PCDHGA11: variants seen among roughly 807,000 people sequenced by gnomAD.
The protein encoded by PCDHGA11 is protocadherin gamma-A11.
Under a neutral mutation model 60.4 loss-of-function variants are expected in PCDHGA11, and 39 were observed. That is an observed-to-expected ratio of 0.65 (90% CI 0.50 to 0.84). The LOEUF is 0.84. PCDHGA11 is among the 40% of genes least tolerant of loss of function. PCDHGA11 has a pLI of 0.00. For synonymous variants in PCDHGA11, 533 were observed against 510.3 expected, an observed-to-expected ratio of 1.04 and a Z score of -0.60; for missense variants, 1,165 against 1,197.7, an observed-to-expected ratio of 0.97 and a Z score of 0.40.
Position 141,431,386 on chromosome 5 carries a change from C to A in PCDHGA11, c.2433+7726C>A. The stretch of plus-strand genomic sequence containing the variant: ...ACCGCGAAGAAAAGGCTGCTCACCA[C>A]CTGGTCCTTACGGCCTCCGACGGGG... On this transcript the variant is annotated intron_variant, in intron 1 of 3. Coordinates refer to ENST00000398587, the MANE Select transcript of PCDHGA11 (RefSeq NM_018914.3). The surrounding 1 kb of genome is among the most constrained non-coding windows in gnomAD (Gnocchi z 4.8). The A allele has an allele frequency of 6.2e-7, 1 of 1,613,924 alleles. No individual in the cohort carries two copies. Among genetic ancestry groups the A allele is most frequent in the Non-Finnish European group, 8.5e-7 (1 of 1,180,038 alleles).
Position 141,422,576 on chromosome 5 carries a change from CTCCCGTTTT to C in PCDHGA11, c.1353_1361del (p.Val452_Pro454del). 6.2e-7 allele frequency: 1 copy of C among 1,614,034 alleles called. No homozygotes were observed. The highest frequency in any genetic ancestry group is 1.3e-5 in the African/African-American group (1 of 75,026). On this transcript the variant is annotated inframe_deletion, in exon 1 of 4. Coordinates refer to ENST00000398587, the MANE Select transcript of PCDHGA11 (RefSeq NM_018914.3). ...AATGTGGCAGATGACAACGATAACC[CTCCCGTTTT>C]TCCTCACTCCTCTTACTCTGCCTAC...
Position 141,511,375 on chromosome 5 carries a change from A to G in PCDHGA11, c.*202A>G. 2 of 1,236,730 alleles carry G rather than the reference A, an allele frequency of 1.6e-6. No individual in the cohort carries two copies. The highest frequency in any genetic ancestry group is 2.2e-6 in the Non-Finnish European group (2 of 912,840). 76.6% of individuals were successfully genotyped at this position (1,236,730 alleles called of 1,614,324 possible). A position where few individuals can be genotyped will look rare whatever the true frequency, so the allele number is the denominator to read the frequency against. On this transcript the variant is annotated 3_prime_UTR_variant, in exon 4 of 4. Coordinates refer to ENST00000398587, the MANE Select transcript of PCDHGA11 (RefSeq NM_018914.3). ...CCCAGGGGGTTGAATATGCAAAAGCAGTTCCGCTGGGAACCCCCATCCAAT... is the reference window on the plus strand; with the variant it reads ...CCCAGGGGGTTGAATATGCAAAAGCGGTTCCGCTGGGAACCCCCATCCAAT...
chr5:141,485,961 A>G lies in PCDHGA11; in HGVS notation c.2434-8846A>G. Reference sequence around the variant, plus strand: ...GCACCAGCGGGCATGGTGCTCATCCAGCTCAATGCCTCAGACCCGGACCTG... The same window carrying G: ...GCACCAGCGGGCATGGTGCTCATCCGGCTCAATGCCTCAGACCCGGACCTG... On this transcript the variant is annotated intron_variant, in intron 1 of 3. Coordinates refer to ENST00000398587, the MANE Select transcript of PCDHGA11 (RefSeq NM_018914.3). This position sits in a 1 kb window ranked among gnomAD's most constrained non-coding sequence, Gnocchi z 5.7. 1 of 1,614,204 alleles carries G rather than the reference A, an allele frequency of 6.2e-7. No individual in the cohort carries two copies. Among genetic ancestry groups the G allele is most frequent in the Non-Finnish European group, 8.5e-7 (1 of 1,180,028 alleles).
chr5:141,476,744 C>A lies in PCDHGA11; in HGVS notation c.2434-18063C>A, dbSNP rs1168392300. ...CCTGGACCGAGAACGGGAGCCTAGT[C>A]TCCAGTTAGTGCTGACGGCGTTGGA... On this transcript the variant is annotated intron_variant, in intron 1 of 3. Coordinates refer to ENST00000398587, the MANE Select transcript of PCDHGA11 (RefSeq NM_018914.3). The surrounding 1 kb of genome is among the most constrained non-coding windows in gnomAD (Gnocchi z 7.6). 1.2e-6 allele frequency: 2 copies of A among 1,614,046 alleles called. No individual in the cohort carries two copies. Among genetic ancestry groups the A allele is most frequent in the Admixed American group, 3.3e-5 (2 of 60,034 alleles).
In PCDHGA11 at chr5:141,490,729, C is replaced by G. The variant is rs1365931429; in HGVS notation, c.2434-4078C>G. ...CCTCACCTACTCCATTGTAGGAAAT[C>G]AGGTTCAGGGAGCCCCAGCCTCCTC... On this transcript the variant is annotated intron_variant, in intron 1 of 3. Coordinates refer to ENST00000398587, the MANE Select transcript of PCDHGA11 (RefSeq NM_018914.3). The surrounding 1 kb of genome is among the most constrained non-coding windows in gnomAD (Gnocchi z 5.4). 1 of 1,614,184 alleles carries G rather than the reference C, an allele frequency of 6.2e-7. No homozygotes were observed.
chr5:141,449,688 T>G (rs951233495), intron 1 of PCDHGA11, among the ~76,000 whole-genome samples: 2 of 151,772 alleles, frequency 1.3e-5, no homozygotes, highest in African/African-American at 4.8e-5. Context: ...TATGTTTGTG[T>G]GTATGTACAC....
Position 141,432,123 on chromosome 5 carries a change from C to G in PCDHGA11, c.2433+8463C>G, listed in dbSNP as rs1224794803. On this transcript the variant is annotated intron_variant, in intron 1 of 3. Transcript: ENST00000398587. This position sits in a 1 kb window ranked among gnomAD's most constrained non-coding sequence, Gnocchi z 6.0. ...GACAACCCGCCGGTCTTCCCTCAGG[C>G]CTCCTATTCCGCTTATATCCCAGAG... 1 of 1,614,172 alleles carries G rather than the reference C, an allele frequency of 6.2e-7. No homozygotes were observed. Among genetic ancestry groups the G allele is most frequent in the Admixed American group, 1.7e-5 (1 of 60,022 alleles).
rs779871354 is a variant in PCDHGA11 at position 141,428,131 on chromosome 5, G to A, written c.2433+4471G>A. 8.7e-6 allele frequency: 14 copies of A among 1,602,720 alleles called. No homozygotes were observed. The South Asian group carries it at 1.5e-4, about 18-fold the overall frequency. On this transcript the variant is annotated intron_variant, in intron 1 of 3. Transcript: ENST00000398587. ...CAGGCCATCGAGCCCGGGCTTTTCA[G>A]CCTGGGGCTGCACACGGGAACCTGC...
At position 141,421,727 on chromosome 5, in the gene PCDHGA11, C is replaced by T. The variant is rs779718690; in HGVS notation, c.500C>T (p.Ser167Phe). The T allele has an allele frequency of 4.3e-6, 7 of 1,613,798 alleles. No individual in the cohort carries two copies. In the African/African-American group the frequency reaches 9.3e-5, roughly 22 times the overall value. ...NARDPDVGVN[S>F]LQSYQLSPNN... ...AGGGATCCAGATGTGGGCGTGAACT[C>T]CCTCCAGAGCTACCAGCTCAGCCCT... The change falls in exon 1 of 4, where the codon TCC (serine) becomes TTC (phenylalanine). Residue 167 changes from serine to phenylalanine, a missense_variant. Physicochemically the swap from Ser to Phe is radical, Grantham distance 155. Coordinates refer to ENST00000398587, the MANE Select transcript of PCDHGA11 (RefSeq NM_018914.3).
chr5:141,510,451 G>A (rs1330148267), intron 3 of PCDHGA11, among the ~76,000 whole-genome samples: 2 of 152,096 alleles, frequency 1.3e-5, no homozygotes, highest in East Asian at 1.9e-4. Context: ...AGGAGCCCAT[G>A]GTCTAGTGTG....
At chr5:141,437,040 C>G (rs188070264) in intron 1 of PCDHGA11, among the ~76,000 whole-genome samples, 1 of 152,266 alleles carries the variant, frequency 6.6e-6, no homozygotes, top group African/African-American at 2.4e-5. Flanking sequence ...ATCACCGAAA[C>G]CAGAAGGCTG....
intron 2 of PCDHGA11, among the ~76,000 whole-genome samples, chr5:141,500,359 C>T (rs2099799599): frequency 6.6e-6 from 1 of 152,032 alleles, no homozygotes; most frequent in Non-Finnish European, 1.5e-5. Flanking sequence ...CAGGCGCCCA[C>T]TACCACGCCC....
intron 2 of PCDHGA11, among the ~76,000 whole-genome samples, chr5:141,501,009 C>T (rs2099804715): frequency 2.0e-5 from 3 of 152,040 alleles, no homozygotes; most frequent in Non-Finnish European, 4.4e-5. Context: ...GCTGGGACTA[C>T]AGGCACGCGC....
chr5:141,498,865 G>A (rs2099786522), intron 2 of PCDHGA11, among the ~76,000 whole-genome samples: 1 of 151,116 alleles, frequency 6.6e-6, no homozygotes, highest in Non-Finnish European at 1.5e-5. Flanking sequence ...CCCAGGAGGC[G>A]GAGGTTGCAG....
In PCDHGA11 at chr5:141,477,453, A is replaced by T; in HGVS notation, c.2434-17354A>T. On this transcript the variant is annotated intron_variant, in intron 1 of 3. Transcript: ENST00000398587. This position sits in a 1 kb window ranked among gnomAD's most constrained non-coding sequence, Gnocchi z 4.9. Reference sequence around the variant, plus strand: ...TCAGCCCTTACAATAGTGCGTGTTCAAGTGTCCGACATCAATGACAACCCT... The same window carrying T: ...TCAGCCCTTACAATAGTGCGTGTTCTAGTGTCCGACATCAATGACAACCCT... The T allele has an allele frequency of 6.2e-7, 1 of 1,614,136 alleles. No homozygotes were observed. The highest frequency in any genetic ancestry group is 8.5e-7 in the Non-Finnish European group (1 of 1,180,026).
At chr5:141,465,644 A>G (rs1320011410) in intron 1 of PCDHGA11, among the ~76,000 whole-genome samples, 2 of 152,186 alleles carry the variant, frequency 1.3e-5, no homozygotes, top group African/African-American at 4.8e-5. Context: ...TGCTTTGAAC[A>G]TCCCAAAAAA....
At chr5:141,464,618 C>G (rs1425657373) in intron 1 of PCDHGA11, among the ~76,000 whole-genome samples, 2 of 152,092 alleles carry the variant, frequency 1.3e-5, no homozygotes, top group Non-Finnish European at 2.9e-5. Context: ...AGTATATTGT[C>G]AAGCTTTTTA....
Position 141,485,751 on chromosome 5 carries a change from A to G in PCDHGA11, c.2434-9056A>G. ...CGCAGCGACGGCAGCCTGGTCCCAG[A>G]GCTGCTCCTGGAGAAGCCTTTGGAT... is the stretch of plus-strand genomic sequence containing the variant. On this transcript the variant is annotated intron_variant, in intron 1 of 3. Coordinates refer to ENST00000398587, the MANE Select transcript of PCDHGA11 (RefSeq NM_018914.3). This position sits in a 1 kb window ranked among gnomAD's most constrained non-coding sequence, Gnocchi z 5.7. 6.2e-7 allele frequency: 1 copy of G among 1,614,166 alleles called. No individual in the cohort carries two copies. Among genetic ancestry groups the G allele is most frequent in the Non-Finnish European group, 8.5e-7 (1 of 1,179,998 alleles).
intron 1 of PCDHGA11, among the ~76,000 whole-genome samples, chr5:141,446,394 A>C (rs796472404): frequency 1.1e-4 from 17 of 152,344 alleles, no homozygotes; most frequent in African/African-American, 3.4e-4. Context: ...ATTTAAGAGA[A>C]ATCGAGTTGA....
Sources: allele counts gnomAD v4.1 joint callset (sites outside exome capture counted in the v4.1 genomes callset), GRCh38; gene constraint gnomAD v4.1.1; non-coding constraint Gnocchi (gnomAD v3.1); transcripts MANE v1.5; gene names NCBI Gene and HGNC (gene_info 2026-07-23, HGNC 2026-07-21).